Variants in PTPRD observed in about 807,000 individuals in gnomAD.
PTPRD encodes the protein receptor-type tyrosine-protein phosphatase delta.
A neutral mutation model predicts 214.5 loss-of-function variants in PTPRD; 34 were observed. The ratio of observed to expected loss-of-function variants is 0.16; its 90% CI spans 0.12 to 0.21. The LOEUF (loss-of-function observed/expected upper bound fraction) is 0.21. PTPRD is among the 10% of genes least tolerant of loss of function. The probability of loss-of-function intolerance (pLI) is 1.00; values close to 1 mark genes in which losing one functional copy is unlikely to be tolerated. For synonymous variants in PTPRD, 1,128 were observed against 845.7 expected, an observed-to-expected ratio of 1.33 and a Z score of -5.79; for missense variants, 2,545 against 2,398.7, an observed-to-expected ratio of 1.06 and a Z score of -1.27.
At chr9:8,399,133 C>A in intron 36 of PTPRD, among the ~76,000 whole-genome samples, 1 of 138,584 alleles carries the variant, frequency 7.2e-6, no homozygotes, top group African/African-American at 2.7e-5. Flanking sequence ...AGCTAATCAT[C>A]TCATACTGTC....
At chr9:8,757,183 T>G (rs1401281227) in intron 11 of PTPRD, among the ~76,000 whole-genome samples, 2 of 151,894 alleles carry the variant, frequency 1.3e-5, no homozygotes, top group Non-Finnish European at 2.9e-5. Flanking sequence ...TTGTCAACTC[T>G]CTGTTTCTCA....
intron 14 of PTPRD, among the ~76,000 whole-genome samples, chr9:8,582,241 T>C (rs7020647): frequency 0.53 from 80,031 of 152,028 alleles, 24,031 homozygotes; most frequent in African/African-American, 0.84. Context: ...ATAACAAGAT[T>C]AGATCGCCAC....
At chr9:10,125,858 A>T (rs2098815396) in intron 3 of PTPRD, among the ~76,000 whole-genome samples, 1 of 152,170 alleles carries the variant, frequency 6.6e-6, no homozygotes, top group East Asian at 1.9e-4. Flanking sequence ...ATATGGATAT[A>T]AATATGGATA....
intron 11 of PTPRD, among the ~76,000 whole-genome samples, chr9:8,898,168 T>C (rs2098635689): frequency 6.6e-6 from 1 of 152,188 alleles, no homozygotes; most frequent in South Asian, 2.1e-4. Flanking sequence ...TTATGTATGA[T>C]TTGTAGGACA....
intron 7 of PTPRD, among the ~76,000 whole-genome samples, chr9:9,594,225 A>G (rs1406129652): frequency 6.6e-6 from 1 of 152,080 alleles, no homozygotes; most frequent in African/African-American, 2.4e-5. Context: ...ATCTTTCCTA[A>G]GATACACATG....
chr9:9,751,354 C>A (rs147555905), intron 6 of PTPRD, among the ~76,000 whole-genome samples: 9 of 152,156 alleles, frequency 5.9e-5, no homozygotes, highest in South Asian at 2.1e-4. Context: ...AACTTCACCA[C>A]TGACTGGGTT....
chr9:8,355,568 C>G (rs1485392303), intron 39 of PTPRD, among the ~76,000 whole-genome samples: 2 of 152,124 alleles, frequency 1.3e-5, no homozygotes, highest in Non-Finnish European at 2.9e-5. Flanking sequence ...CAGAATAATA[C>G]TAGAAGATGG....
intron 9 of PTPRD, among the ~76,000 whole-genome samples, chr9:9,382,302 T>C (rs1387173564): frequency 1.3e-5 from 2 of 152,120 alleles, no homozygotes; most frequent in African/African-American, 4.8e-5. Flanking sequence ...GACATTGGTT[T>C]TGGCAATGAC....
chr9:9,977,184 G>A (rs1229098318), intron 4 of PTPRD, among the ~76,000 whole-genome samples: 1 of 152,160 alleles, frequency 6.6e-6, no homozygotes, highest in Non-Finnish European at 1.5e-5. Context: ...ACCTTGATAG[G>A]TGGATTCCCA....
intron 11 of PTPRD, among the ~76,000 whole-genome samples, chr9:8,771,353 T>C (rs1347764101): frequency 5.3e-5 from 8 of 152,226 alleles, no homozygotes. Flanking sequence ...TACTAAAGAC[T>C]ATCACTGTAC....
At chr9:8,441,713 G>A (rs117579115) in intron 34 of PTPRD, among the ~76,000 whole-genome samples, 101 of 152,136 alleles carry the variant, frequency 6.6e-4, no homozygotes, top group Middle Eastern at 3.4e-3. Context: ...CATCCCCTAT[G>A]GGTTCATCTA....
intron 12 of PTPRD, among the ~76,000 whole-genome samples, chr9:8,694,208 G>T (rs1211002419): frequency 6.6e-6 from 1 of 152,054 alleles, no homozygotes; most frequent in Non-Finnish European, 1.5e-5. Context: ...ATAATTTTCT[G>T]GGAATTATAT....
chr9:9,214,222 C>T (rs1293645012), intron 9 of PTPRD, among the ~76,000 whole-genome samples: 1 of 152,192 alleles, frequency 6.6e-6, no homozygotes, highest in Non-Finnish European at 1.5e-5. Flanking sequence ...TTGCGTTTCC[C>T]TCTGAGTGAT....
intron 39 of PTPRD, 71 bp downstream of exon 39, chr9:8,375,865 T>A (rs2083088074): frequency 6.6e-7 from 1 of 1,523,036 alleles, no homozygotes; most frequent in South Asian, 1.3e-5. Context: ...TGTCAAGAAG[T>A]TGCAGAAACA....
chr9:9,950,805 T>C (rs920977926), intron 4 of PTPRD, among the ~76,000 whole-genome samples: 4 of 137,702 alleles, frequency 2.9e-5, no homozygotes, highest in Non-Finnish European at 6.6e-5. Context: ...CCTGAATCAA[T>C]AATGCATCTT....
In PTPRD at chr9:10,002,729, T is replaced by A. The variant is rs532994928; in HGVS notation, c.-472+30989A>T. On this transcript the variant is annotated intron_variant, in intron 4 of 45. Coordinates refer to ENST00000381196, the MANE Select transcript of PTPRD (RefSeq NM_002839.4). ...GAAACAAAGAGAGAAATAGAAAATTTAACAATATGTAGGTACTGTCATACT... is the reference window on the plus strand; with the variant it reads ...GAAACAAAGAGAGAAATAGAAAATTAAACAATATGTAGGTACTGTCATACT... 7.0e-4 allele frequency among the ~76,000 whole-genome samples: 106 copies of A among 150,444 alleles called. 1 individual carries two copies. The South Asian group carries it at 0.022, about 31-fold the overall frequency.
chr9:9,570,079 A>C (rs1056084971), intron 8 of PTPRD, among the ~76,000 whole-genome samples: 1 of 151,570 alleles, frequency 6.6e-6, no homozygotes, highest in East Asian at 1.9e-4. Context: ...AATTCTGTGT[A>C]ATCAATTCAT....
chr9:8,779,678 T>G (rs541448359), intron 11 of PTPRD, among the ~76,000 whole-genome samples: 1 of 152,150 alleles, frequency 6.6e-6, no homozygotes, highest in East Asian at 1.9e-4. Context: ...TTCCTTTTAA[T>G]CAGCACGGTA....
chr9:8,980,458 T>A (rs543364378), intron 11 of PTPRD, among the ~76,000 whole-genome samples: 1 of 152,282 alleles, frequency 6.6e-6, no homozygotes, highest in Non-Finnish European at 1.5e-5. Context: ...AACATTTTAC[T>A]ATCTATATGT....
Sources: gnomAD v4.1 joint callset for allele counts (sites outside exome capture counted in the v4.1 genomes callset) on GRCh38, gnomAD v4.1.1 for gene constraint, MANE v1.5 for transcripts, NCBI Gene and HGNC (gene_info 2026-07-23, HGNC 2026-07-21) for gene names.